The following RBFOX1 variants were observed in gnomAD, a reference collection of about 807,000 sequenced individuals.
The protein encoded by RBFOX1 is RNA binding fox-1 homolog 1.
In RBFOX1, 8 loss-of-function variants were observed where a neutral mutation model predicts 57.7. The observed-to-expected ratio is 0.14, with a 90% confidence interval of 0.08 to 0.25. RBFOX1 has a LOEUF of 0.25. RBFOX1 is among the 10% of genes least tolerant of loss of function. The pLI is 1.00. For synonymous variants in RBFOX1, 326 were observed against 222.4 expected (o/e 1.47, Z -4.15); for missense variants, 611 against 548.5 (o/e 1.11, Z -1.14).
chr16:5,735,118 G>A (rs550905787), intron 3 of RBFOX1, among the ~76,000 whole-genome samples: 2 of 152,286 alleles, frequency 1.3e-5, no homozygotes, highest in East Asian at 1.9e-4. Flanking sequence ...TAGTTACTCC[G>A]TTTCTGTGCC....
At chr16:6,655,403 A>AAAAAAAAAAATT in intron 3 of RBFOX1, among the ~76,000 whole-genome samples, 1 of 127,540 alleles carries the variant, frequency 7.8e-6, no homozygotes, top group East Asian at 2.1e-4. Flanking sequence ...AAAAAAAAAA[A>AAAAAAAAAAATT]GAGCTCGCGC....
At chr16:7,305,374 G>C (rs2096154718) in intron 4 of RBFOX1, among the ~76,000 whole-genome samples, 1 of 152,116 alleles carries the variant, frequency 6.6e-6, no homozygotes, top group Admixed American at 6.5e-5. Flanking sequence ...TAGGGTGACA[G>C]GCCAGCTCTC....
intron 3 of RBFOX1, among the ~76,000 whole-genome samples, chr16:5,764,692 G>C (rs754038514): frequency 2.0e-5 from 3 of 152,096 alleles, no homozygotes; most frequent in African/African-American, 2.4e-5. Context: ...CCTCACACCT[G>C]TACACTTGGA....
At chr16:6,086,905 C>A (rs1459171773) in intron 1 of RBFOX1, among the ~76,000 whole-genome samples, 1 of 152,186 alleles carries the variant, frequency 6.6e-6, no homozygotes, top group South Asian at 2.1e-4. Context: ...TGAAGGCTTT[C>A]TGCTGTTTAG....
At chr16:6,879,169 A>C (rs1355166172) in intron 3 of RBFOX1, among the ~76,000 whole-genome samples, 1 of 152,212 alleles carries the variant, frequency 6.6e-6, no homozygotes, top group Non-Finnish European at 1.5e-5. Context: ...GGCTGCAAGA[A>C]TATCAGCCCT....
intron 4 of RBFOX1, among the ~76,000 whole-genome samples, chr16:7,291,878 T>A (rs1158183435): frequency 2.6e-5 from 3 of 114,170 alleles, no homozygotes; most frequent in African/African-American, 1.1e-4. Context: ...TATTACTATA[T>A]ATAAAATATA....
chr16:7,670,954 T>C (rs1339031021), intron 13 of RBFOX1, among the ~76,000 whole-genome samples: 2 of 152,186 alleles, frequency 1.3e-5, no homozygotes, highest in East Asian at 3.9e-4. Context: ...ATATGTATAT[T>C]AACACTAGTT....
intron 1 of RBFOX1, among the ~76,000 whole-genome samples, chr16:5,285,926 C>A (rs1371072949): frequency 3.3e-5 from 5 of 152,162 alleles, no homozygotes; most frequent in African/African-American, 1.2e-4. Context: ...CGCCTGCCAC[C>A]ACACCTGGCT....
chr16:5,269,192 C>G (rs1254207318), intron 1 of RBFOX1, among the ~76,000 whole-genome samples: 1 of 152,264 alleles, frequency 6.6e-6, no homozygotes, highest in Non-Finnish European at 1.5e-5. Flanking sequence ...GCTGGGATTA[C>G]AGGCATGAGC....
chr16:6,875,154 C>T (rs907703659), intron 3 of RBFOX1, among the ~76,000 whole-genome samples: 3 of 152,118 alleles, frequency 2.0e-5, no homozygotes, highest in African/African-American at 4.8e-5. Context: ...CATATAATGC[C>T]TACAGTGCTT....
At chr16:6,985,118 C>G (rs910557588) in intron 3 of RBFOX1, among the ~76,000 whole-genome samples, 12 of 152,054 alleles carry the variant, frequency 7.9e-5, no homozygotes, top group African/African-American at 2.9e-4. Flanking sequence ...TTCCCCTACC[C>G]TACCCTACCC....
chr16:5,417,235 C>A (rs577484519), intron 1 of RBFOX1, among the ~76,000 whole-genome samples: 2 of 152,306 alleles, frequency 1.3e-5, no homozygotes, highest in East Asian at 3.9e-4. Flanking sequence ...GTGTTAATTT[C>A]TGGCAGGGTT....
chr16:5,280,654 A>T (rs1174818780), intron 1 of RBFOX1, among the ~76,000 whole-genome samples: 2 of 152,092 alleles, frequency 1.3e-5, no homozygotes, highest in Admixed American at 1.3e-4. Context: ...TCCTAGTTCA[A>T]TCTTGGTAGG....
chr16:6,948,506 C>T (rs1399188965), intron 3 of RBFOX1, among the ~76,000 whole-genome samples: 1 of 150,572 alleles, frequency 6.6e-6, no homozygotes, highest in Non-Finnish European at 1.5e-5. Flanking sequence ...CCTCAGCCTC[C>T]CAAGTAGCTT....
At chr16:7,127,827 G>A (rs1229724282) in intron 4 of RBFOX1, among the ~76,000 whole-genome samples, 5 of 152,194 alleles carry the variant, frequency 3.3e-5, no homozygotes, top group East Asian at 1.9e-4. Flanking sequence ...AGCAAAGGTC[G>A]TTTGCAAGCA....
chr16:6,515,473 T>A (rs775420584), intron 2 of RBFOX1, among the ~76,000 whole-genome samples: 2 of 152,230 alleles, frequency 1.3e-5, no homozygotes. Context: ...ATAACTAATA[T>A]GCTGTCTACC....
At chr16:6,132,790 C>G (rs1194507821) in intron 1 of RBFOX1, among the ~76,000 whole-genome samples, 1 of 151,842 alleles carries the variant, frequency 6.6e-6, no homozygotes, top group African/African-American at 2.4e-5. Flanking sequence ...AGTTCAAGAC[C>G]AGCCTGGCCA....
chr16:7,681,387 T>C (rs34346323), intron 14 of RBFOX1, among the ~76,000 whole-genome samples: 31,541 of 152,052 alleles, frequency 0.21, 3,479 homozygotes, highest in South Asian at 0.36. Context: ...GCACAAAAGA[T>C]TGTACAAGCT....
chr16:6,919,967 AT>A (rs1404755339), intron 3 of RBFOX1, among the ~76,000 whole-genome samples: 7 of 151,996 alleles, frequency 4.6e-5, no homozygotes, highest in Non-Finnish European at 5.9e-5. Context: ...CCCAAAGTCC[AT>A]TACATCATTC....
Sources: allele counts gnomAD v4.1 joint callset (sites outside exome capture counted in the v4.1 genomes callset), GRCh38; gene constraint gnomAD v4.1.1; transcripts MANE v1.5; gene names NCBI Gene and HGNC (gene_info 2026-07-23, HGNC 2026-07-21).